The following SLC4A7 variants were observed in gnomAD, a reference collection of about 807,000 sequenced individuals.
SLC4A7 encodes sodium bicarbonate cotransporter 3.
A neutral mutation model predicts 137.6 loss-of-function variants in SLC4A7; 51 were observed. The observed-to-expected ratio is 0.37, with a 90% confidence interval of 0.30 to 0.47. The LOEUF (loss-of-function observed/expected upper bound fraction) is 0.47, where lower values mean the gene tolerates loss of function less well. SLC4A7 is among the 20% of genes least tolerant of loss of function. The pLI is 1.00. For synonymous variants in SLC4A7, 542 were observed against 518.6 expected, an observed-to-expected ratio of 1.05 and a Z score of -0.61; for missense variants, 1,247 against 1,525.4, an observed-to-expected ratio of 0.82 and a Z score of 3.04.
intron 21 of SLC4A7, 169 bp from the exon 22 acceptor site, chr3:27,390,273 G>T: frequency 2.3e-5 from 7 of 310,866 alleles, no homozygotes; most frequent in East Asian, 6.5e-5. Flanking sequence ...CCAAAGTGGG[G>T]TCGGGTGGGG....
rs141625937 is a variant in SLC4A7, at chr3:27,385,928, T to C, written c.3456A>G (p.Lys1152=). 1.0e-5 allele frequency: 16 copies of C among 1,585,092 alleles called. No individual in the cohort carries two copies. In the African/African-American group the frequency reaches 2.2e-4, roughly 21 times the overall value. Residue 1152 remains lysine (K), a synonymous_variant, in exon 23 of 26, where the codon AAA becomes AAG. Coordinates refer to ENST00000454389, the MANE Select transcript of SLC4A7 (RefSeq NM_001321103.2). ...WLDDLMPESK[K]KKEDDKKKKE... is the part of the protein sequence containing the mutation. ...TTTTCTTTTTGTCATCTTCTTTCTT[T>C]TTCTTACTTTCTGGCATAAGATCAT...
intron 5 of SLC4A7, among the ~76,000 whole-genome samples, chr3:27,434,593 G>C (rs1408867005): frequency 6.6e-6 from 1 of 152,082 alleles, no homozygotes; most frequent in Non-Finnish European, 1.5e-5. Context: ...TGCTCTCTTC[G>C]AGAGGTAGAG....
At chr3:27,382,371 TC>T (rs1290253199) in intron 24 of SLC4A7, among the ~76,000 whole-genome samples, 7 of 151,968 alleles carry the variant, frequency 4.6e-5, no homozygotes, top group Admixed American at 6.5e-5. Context: ...TGCCTCAGCC[TC>T]CCAAAGTGCT....
intron 1 of SLC4A7, among the ~76,000 whole-genome samples, chr3:27,478,459 C>T (rs905979703): frequency 6.8e-6 from 1 of 146,158 alleles, no homozygotes; most frequent in Non-Finnish European, 1.5e-5. Context: ...CGGAGGTTGC[C>T]GTGACCCAAG....
chr3:27,427,178 T>A (rs2055726159), intron 7 of SLC4A7, among the ~76,000 whole-genome samples: 1 of 152,058 alleles, frequency 6.6e-6, no homozygotes, highest in Admixed American at 6.6e-5. Context: ...TTGCTAAACA[T>A]CCTATAAAGC....
intron 1 of SLC4A7, among the ~76,000 whole-genome samples, chr3:27,476,636 A>T (rs941364946): frequency 3.3e-5 from 5 of 152,100 alleles, no homozygotes; most frequent in Non-Finnish European, 5.9e-5. Flanking sequence ...CATTGTTCTC[A>T]TTAGTTCTCA....
intron 1 of SLC4A7, among the ~76,000 whole-genome samples, chr3:27,461,726 G>A (rs1471005300): frequency 1.3e-5 from 2 of 151,722 alleles, no homozygotes. Context: ...TTGGGAGGCC[G>A]AGGCGGGCAG....
intron 22 of SLC4A7, among the ~76,000 whole-genome samples, chr3:27,388,413 A>C (rs2051190362): frequency 6.6e-6 from 1 of 152,176 alleles, no homozygotes; most frequent in African/African-American, 2.4e-5. Context: ...GTCTAGAATA[A>C]TTCAAGAGGG....
intron 20 of SLC4A7, among the ~76,000 whole-genome samples, chr3:27,392,719 C>T (rs112583057): frequency 1.1e-3 from 161 of 151,698 alleles, no homozygotes; most frequent in African/African-American, 3.7e-3. Flanking sequence ...CCCAGCTACT[C>T]GGGAGGCTGA....
intron 24 of SLC4A7, among the ~76,000 whole-genome samples, chr3:27,382,761 C>T (rs998352799): frequency 3.3e-5 from 5 of 151,942 alleles, no homozygotes; most frequent in South Asian, 4.2e-4. Flanking sequence ...TTACTGAAAA[C>T]GTTTATTTTC....
At chr3:27,408,380 A>G (rs1365983916) in intron 13 of SLC4A7, among the ~76,000 whole-genome samples, 1 of 152,248 alleles carries the variant, frequency 6.6e-6, no homozygotes, top group Non-Finnish European at 1.5e-5. Context: ...CAGCACATAA[A>G]GCAACTTACT....
intron 23 of SLC4A7, among the ~76,000 whole-genome samples, chr3:27,384,752 C>G (rs774951639): frequency 5.3e-5 from 8 of 152,110 alleles, no homozygotes; most frequent in Non-Finnish European, 1.2e-4. Context: ...CACCAGAGGT[C>G]AGGAGTTGAA....
At chr3:27,428,404 C>T (rs1481718367) in intron 7 of SLC4A7, 1 of 154,318 alleles carries the variant, frequency 6.5e-6, no homozygotes, top group Admixed American at 6.5e-5. Context: ...ATCGCTGTCT[C>T]TGGAACAAAC....
chr3:27,390,244 C>A, intron 21 of SLC4A7, 140 bp from the exon 22 acceptor site: 3 of 326,664 alleles, frequency 9.2e-6, no homozygotes, highest in Non-Finnish European at 1.7e-5. Context: ...GAGAATGTTA[C>A]AGCAAGCATT....
chr3:27,401,057 T>C (rs573312851), intron 15 of SLC4A7, 188 bp from the exon 16 acceptor site: 123 of 439,992 alleles, frequency 2.8e-4, no homozygotes, highest in Non-Finnish European at 3.3e-4. Context: ...AGAAATAAAA[T>C]AAAACCAATA....
chr3:27,424,414 G>A, intron 7 of SLC4A7: 2 of 266,886 alleles, frequency 7.5e-6, no homozygotes, highest in Admixed American at 5.2e-5. Flanking sequence ...GAAATAAAAC[G>A]TGAGTTGGTG....
At chr3:27,447,287 T>C (rs1255885129) in intron 3 of SLC4A7, among the ~76,000 whole-genome samples, 1 of 152,138 alleles carries the variant, frequency 6.6e-6, no homozygotes, top group African/African-American at 2.4e-5. Flanking sequence ...CTAAGATGGT[T>C]ATATATTAAA....
chr3:27,460,478 A>G (rs1375011187), intron 1 of SLC4A7, among the ~76,000 whole-genome samples: 1 of 152,234 alleles, frequency 6.6e-6, no homozygotes, highest in East Asian at 1.9e-4. Flanking sequence ...TAAATACTGT[A>G]TTGTCTGTGC....
At chr3:27,391,413 A>C (rs2051540796) in intron 21 of SLC4A7, among the ~76,000 whole-genome samples, 1 of 152,164 alleles carries the variant, frequency 6.6e-6, no homozygotes, top group African/African-American at 2.4e-5. Context: ...ACTAATATCT[A>C]CCTTTTTAAG....
Sources: gnomAD v4.1 joint callset for allele counts (sites outside exome capture counted in the v4.1 genomes callset) on GRCh38, gnomAD v4.1.1 for gene constraint, MANE v1.5 for transcripts, NCBI Gene and HGNC (gene_info 2026-07-23, HGNC 2026-07-21) for gene names.